Variants in SIK3 observed in about 807,000 individuals in gnomAD.
SIK3 encodes the protein serine/threonine-protein kinase SIK3.
SIK3 carries 28 observed loss-of-function variants against 144.2 expected under a neutral mutation model. That is an observed-to-expected ratio of 0.19 (90% CI 0.14 to 0.27). The LOEUF is 0.27. SIK3 is among the 10% of genes least tolerant of loss of function. SIK3 has a pLI of 1.00. For missense variants in SIK3, 1,319 were observed against 1,776.0 expected (o/e 0.74, Z 4.62); for synonymous variants, 686 against 676.3 (o/e 1.01, Z -0.22).
At chr11:117,026,455 GC>G (rs1274563555) in intron 1 of SIK3, among the ~76,000 whole-genome samples, 1 of 152,028 alleles carries the variant, frequency 6.6e-6, no homozygotes, top group Non-Finnish European at 1.5e-5. Context: ...GGTTGTTAAG[GC>G]ACTAATGAAA....
chr11:116,917,972 A>C (rs868094078), intron 4 of SIK3, among the ~76,000 whole-genome samples: 1 of 152,176 alleles, frequency 6.6e-6, no homozygotes, highest in African/African-American at 2.4e-5. Flanking sequence ...CTTCAATAAA[A>C]TGCCGATAAA....
intron 1 of SIK3, among the ~76,000 whole-genome samples, chr11:116,969,342 A>C (rs1224651230): frequency 6.6e-6 from 1 of 151,892 alleles, no homozygotes; most frequent in Non-Finnish European, 1.5e-5. Flanking sequence ...TGTTCTAGGA[A>C]AATAAGAGAC....
At chr11:116,975,028 T>A (rs1949896404) in intron 1 of SIK3, among the ~76,000 whole-genome samples, 1 of 152,168 alleles carries the variant, frequency 6.6e-6, no homozygotes, top group Admixed American at 6.5e-5. Context: ...TGATCTTCTG[T>A]TAAAGATACC....
chr11:116,954,112 T>A lies in SIK3; in HGVS notation c.391-5A>T, dbSNP rs1164337837. On this transcript the variant is annotated splice_region_variant and splice_polypyrimidine_tract_variant and intron_variant, in intron 2 of 24. Transcript: ENST00000445177. The stretch of plus-strand genomic sequence containing the variant: ...CATCCGTTCTGTCTCCATAACCTGG[T>A]GCAAAGGCAGGAAAGTGACAGACAG... The A allele has an allele frequency of 6.2e-7, 1 of 1,613,702 alleles. No homozygotes were observed. Among genetic ancestry groups the A allele is most frequent in the East Asian group, 2.2e-5 (1 of 44,842 alleles).
At chr11:116,899,748 A>G (rs1261012138) in intron 4 of SIK3, among the ~76,000 whole-genome samples, 2 of 152,174 alleles carry the variant, frequency 1.3e-5, no homozygotes, top group Non-Finnish European at 2.9e-5. Flanking sequence ...TCTCTGGTGT[A>G]GAAATGCTTT....
chr11:116,969,601 T>TA (rs564493546), intron 1 of SIK3, among the ~76,000 whole-genome samples: 20 of 150,036 alleles, frequency 1.3e-4, no homozygotes, highest in Non-Finnish European at 1.8e-4. Context: ...TGAAACTAAG[T>TA]AAAAAAAAAT....
intron 1 of SIK3, among the ~76,000 whole-genome samples, chr11:117,065,497 T>C (rs1953970398): frequency 6.6e-6 from 1 of 152,182 alleles, no homozygotes; most frequent in Admixed American, 6.5e-5. Context: ...AACCTGGCAC[T>C]GTATTTCATT....
At chr11:116,892,149 G>A (rs1167834038) in intron 6 of SIK3, among the ~76,000 whole-genome samples, 1 of 152,188 alleles carries the variant, frequency 6.6e-6, no homozygotes, top group Non-Finnish European at 1.5e-5. Context: ...AAAGTTAACT[G>A]AGGACTGATC....
At chr11:116,907,805 A>G (rs1209209897) in intron 4 of SIK3, among the ~76,000 whole-genome samples, 1 of 152,160 alleles carries the variant, frequency 6.6e-6, no homozygotes, top group African/African-American at 2.4e-5. Flanking sequence ...ATGCATAGAA[A>G]AGAATGGTAG....
At chr11:117,062,979 TATTAA>T (rs1227016777) in intron 1 of SIK3, among the ~76,000 whole-genome samples, 1 of 152,250 alleles carries the variant, frequency 6.6e-6, no homozygotes, top group Non-Finnish European at 1.5e-5. Flanking sequence ...GAAGTTGGAA[TATTAA>T]ATTCTTTTGC....
rs941483151 is a variant in SIK3 at position 116,868,073 on chromosome 11, A to C, written c.1825T>G (p.Ser609Ala). The change falls in exon 15 of 25, where the codon TCC becomes GCC. Residue 609 changes from serine (S) to alanine (A), a missense_variant. Physicochemically the swap from Ser to Ala is moderately conservative, Grantham distance 99. Coordinates refer to ENST00000445177, the MANE Select transcript of SIK3 (RefSeq NM_001366686.3). ...GTCATGGCCAGTGTATGTCTTTTGG[A>C]CCTATTTGCCAAGTACCTGCAACAA... ...EAVQRYLANR[S>A]KRHTLAMTNP... 3 of 1,550,506 alleles carry C rather than the reference A, an allele frequency of 1.9e-6. No individual in the cohort carries two copies. The African/African-American group carries it at 4.1e-5, about 21-fold the overall frequency.
intron 1 of SIK3, among the ~76,000 whole-genome samples, chr11:116,997,636 A>G: frequency 6.6e-6 from 1 of 152,250 alleles, no homozygotes; most frequent in East Asian, 1.9e-4. Context: ...TAAAATGACT[A>G]AAGAAAAAGA....
chr11:117,048,513 G>A (rs1230613232), intron 1 of SIK3, among the ~76,000 whole-genome samples: 5 of 151,912 alleles, frequency 3.3e-5, no homozygotes, highest in East Asian at 3.9e-4. Flanking sequence ...AAAATTAGCC[G>A]GGCTTGGCGG....
chr11:116,851,445 A>G (rs981843652), intron 21 of SIK3, among the ~76,000 whole-genome samples: 2 of 152,178 alleles, frequency 1.3e-5, no homozygotes, highest in Non-Finnish European at 2.9e-5. Context: ...CTGTATTTCA[A>G]TGGTTTTCTA....
chr11:116,872,729 T>C (rs1312722515), intron 13 of SIK3, among the ~76,000 whole-genome samples: 1 of 152,258 alleles, frequency 6.6e-6, no homozygotes, highest in Non-Finnish European at 1.5e-5. Context: ...GTTCTAATGT[T>C]TCACTTTTAC....
chr11:116,991,751 T>G (rs1356913846), intron 1 of SIK3, among the ~76,000 whole-genome samples: 1 of 152,098 alleles, frequency 6.6e-6, no homozygotes, highest in African/African-American at 2.4e-5. Context: ...TCCCCTCCTA[T>G]CCCCATACTT....
chr11:117,096,005 TA>T (rs1955456841), intron 1 of SIK3, among the ~76,000 whole-genome samples: 1 of 152,172 alleles, frequency 6.6e-6, no homozygotes, highest in South Asian at 2.1e-4. Context: ...AGCCAGTGTT[TA>T]AAATGCTGCA....
At chr11:116,869,126 C>T (rs1242559612) in intron 14 of SIK3, 1 of 152,048 alleles carries the variant, frequency 6.6e-6, no homozygotes, top group Admixed American at 6.5e-5. Context: ...CCAGTAGGGC[C>T]CATTTGTAAC....
intron 21 of SIK3, among the ~76,000 whole-genome samples, chr11:116,853,793 G>A (rs1432578226): frequency 6.6e-6 from 1 of 152,212 alleles, no homozygotes; most frequent in African/African-American, 2.4e-5. Context: ...TTATGCTGCT[G>A]TGTTTATTTG....
Sources: allele counts gnomAD v4.1 joint callset (sites outside exome capture counted in the v4.1 genomes callset), GRCh38; gene constraint gnomAD v4.1.1; transcripts MANE v1.5; gene names NCBI Gene and HGNC (gene_info 2026-07-23, HGNC 2026-07-21).